The following CPQ variants were observed in gnomAD, a reference collection of about 807,000 sequenced individuals.
CPQ encodes the protein Ser-Met dipeptidase.
In CPQ, 37 loss-of-function variants were observed where a neutral mutation model predicts 45.7. The ratio of observed to expected loss-of-function variants is 0.81; its 90% CI spans 0.62 to 1.07. The LOEUF (loss-of-function observed/expected upper bound fraction) is 1.07. Among genes scored for constraint, CPQ ranks in the 50% least tolerant of loss-of-function variants. The pLI is 0.00. For missense variants in CPQ, 537 were observed against 572.9 expected (o/e 0.94, Z 0.64); for synonymous variants, 186 against 205.8 (o/e 0.90, Z 0.82).
intron 7 of CPQ, among the ~76,000 whole-genome samples, chr8:97,131,436 T>C (rs1363526072): frequency 6.6e-6 from 1 of 152,256 alleles, no homozygotes; most frequent in Non-Finnish European, 1.5e-5. Flanking sequence ...TTTAAGCTTA[T>C]ATCTAATGCA....
chr8:96,652,774 C>A (rs534741699), intron 1 of CPQ, among the ~76,000 whole-genome samples: 2 of 151,818 alleles, frequency 1.3e-5, no homozygotes, highest in Non-Finnish European at 2.9e-5. Flanking sequence ...CTGGGACTAC[C>A]GGCGCCCGCC....
chr8:96,679,269 A>G (rs1332123333), intron 1 of CPQ, among the ~76,000 whole-genome samples: 1 of 152,034 alleles, frequency 6.6e-6, no homozygotes, highest in Non-Finnish European at 1.5e-5. Context: ...GATAAATTCC[A>G]CTTGATTGTG....
chr8:97,070,718 T>C (rs1021241806), intron 7 of CPQ, among the ~76,000 whole-genome samples: 9 of 152,150 alleles, frequency 5.9e-5, no homozygotes, highest in Non-Finnish European at 1.2e-4. Flanking sequence ...AAATGGTGAA[T>C]TGCTCTTCCC....
chr8:96,961,706 A>G (rs974246829), intron 4 of CPQ, among the ~76,000 whole-genome samples: 1 of 152,220 alleles, frequency 6.6e-6, no homozygotes, highest in Non-Finnish European at 1.5e-5. Flanking sequence ...TCTAAATTCA[A>G]TTAAGGCTAG....
chr8:96,729,956 T>C (rs1809889295), intron 1 of CPQ, among the ~76,000 whole-genome samples: 1 of 152,166 alleles, frequency 6.6e-6, no homozygotes, highest in Non-Finnish European at 1.5e-5. Flanking sequence ...GTTTTCAGGA[T>C]GAGTTTTGAA....
intron 1 of CPQ, among the ~76,000 whole-genome samples, chr8:96,666,761 T>C (rs1363153099): frequency 6.6e-6 from 1 of 152,194 alleles, no homozygotes. Context: ...CATGTATTGC[T>C]CCCGGGCTTG....
chr8:96,665,725 ATGATCTCTG>A (rs1435238361), intron 1 of CPQ, among the ~76,000 whole-genome samples: 1 of 152,166 alleles, frequency 6.6e-6, no homozygotes, highest in Non-Finnish European at 1.5e-5. Context: ...CTCTATTCCT[ATGATCTCTG>A]TCTCTTAGAT....
rs200013967 is a variant in CPQ, at chr8:96,702,841, C to CT, written c.-35+57446dup. On this transcript the variant is annotated intron_variant, in intron 1 of 7. Coordinates refer to ENST00000220763, the MANE Select transcript of CPQ (RefSeq NM_016134.4). ...GTGTCACATATTTTGCATTTTTGTG[C>CT]TTTTTTTGGGGGGGTTGTGATTTTG... Among the ~76,000 whole-genome samples the CT allele has an allele frequency of 7.0e-4, 107 of 151,842 alleles. 1 individual carries two copies. The East Asian group carries it at 0.019, about 28-fold the overall frequency.
At chr8:97,025,413 C>G (rs925254694) in intron 5 of CPQ, among the ~76,000 whole-genome samples, 4 of 152,176 alleles carry the variant, frequency 2.6e-5, no homozygotes, top group Non-Finnish European at 4.4e-5. Flanking sequence ...GGAAATCATA[C>G]TGTAGATTCC....
chr8:96,721,714 T>C (rs1809766487), intron 1 of CPQ, among the ~76,000 whole-genome samples: 2 of 152,136 alleles, frequency 1.3e-5, no homozygotes, highest in South Asian at 4.1e-4. Flanking sequence ...AGGATAAAGT[T>C]CAGTCCTTTA....
intron 6 of CPQ, among the ~76,000 whole-genome samples, chr8:97,045,007 C>G (rs1042086786): frequency 3.9e-5 from 6 of 152,192 alleles, no homozygotes; most frequent in African/African-American, 7.2e-5. Context: ...AACCACTGCT[C>G]TCTTCAAAGC....
At chr8:97,065,920 A>G (rs1263806279) in intron 6 of CPQ, 89 bp from the exon 7 acceptor site, 1 of 1,288,780 alleles carries the variant, frequency 7.8e-7, no homozygotes, top group African/African-American at 1.5e-5. Context: ...GTAAGGAGGT[A>G]AAGTATTTGG....
Position 96,824,211 on chromosome 8 carries a change from G to A in CPQ, c.434-10762G>A, listed in dbSNP as rs146597928. 2.3e-4 allele frequency among the ~76,000 whole-genome samples: 35 copies of A among 152,046 alleles called. No homozygotes were observed. The East Asian group carries it at 5.6e-3, about 25-fold the overall frequency. On this transcript the variant is annotated intron_variant, in intron 2 of 7. Transcript: ENST00000220763. ...GTTAGAAATAGATCTCCATCAGATA[G>A]GTCTGTGTTTGAATTTTAGATGTAC...
At chr8:96,943,390 A>G (rs1379321790) in intron 4 of CPQ, among the ~76,000 whole-genome samples, 2 of 152,184 alleles carry the variant, frequency 1.3e-5, no homozygotes, top group Non-Finnish European at 2.9e-5. Flanking sequence ...CAATCCATAG[A>G]TACAATTGAA....
chr8:97,123,003 A>AAAATTAAAT, intron 7 of CPQ, among the ~76,000 whole-genome samples: 1 of 24,564 alleles, frequency 4.1e-5, no homozygotes, highest in Non-Finnish European at 5.9e-5. Flanking sequence ...AAAATAAAAT[A>AAAATTAAAT]TAAAATAAAA....
intron 2 of CPQ, among the ~76,000 whole-genome samples, chr8:96,818,854 T>C (rs1403949173): frequency 1.3e-5 from 2 of 152,128 alleles, no homozygotes; most frequent in Non-Finnish European, 2.9e-5. Flanking sequence ...CATCAAATCC[T>C]TCTTTCCTTT....
chr8:96,781,126 C>T (rs956695650), intron 1 of CPQ, among the ~76,000 whole-genome samples: 12 of 151,900 alleles, frequency 7.9e-5, no homozygotes, highest in African/African-American at 1.9e-4. Flanking sequence ...CTAATGCTTT[C>T]GCAAAATAAT....
At chr8:96,996,708 G>A (rs1018313207) in intron 5 of CPQ, among the ~76,000 whole-genome samples, 5 of 151,860 alleles carry the variant, frequency 3.3e-5, no homozygotes, top group African/African-American at 1.2e-4. Context: ...TCAACCAGTT[G>A]CTTGTGCTTA....
chr8:96,983,936 A>T (rs1813952343), intron 5 of CPQ, among the ~76,000 whole-genome samples: 1 of 151,732 alleles, frequency 6.6e-6, no homozygotes, highest in South Asian at 2.1e-4. Context: ...TTAACAGGGA[A>T]GTTTGTCATG....
Sources: allele counts gnomAD v4.1 joint callset (sites outside exome capture counted in the v4.1 genomes callset), GRCh38; gene constraint gnomAD v4.1.1; transcripts MANE v1.5; gene names NCBI Gene and HGNC (gene_info 2026-07-23, HGNC 2026-07-21).